Variants in MYO1A observed in about 807,000 individuals in gnomAD.
The protein encoded by MYO1A is myosin IA.
A neutral mutation model predicts 138.5 loss-of-function variants in MYO1A; 127 were observed. The observed-to-expected ratio is 0.92, with a 90% confidence interval of 0.79 to 1.06. MYO1A has a LOEUF of 1.06. Among genes scored for constraint, MYO1A ranks in the 50% least tolerant of loss-of-function variants. MYO1A has a pLI of 0.00. For synonymous variants in MYO1A, 477 were observed against 497.5 expected, an observed-to-expected ratio of 0.96 and a Z score of 0.55; for missense variants, 1,211 against 1,288.8, an observed-to-expected ratio of 0.94 and a Z score of 0.92.
chr12:57,036,369 A>T lies in MYO1A; in HGVS notation c.2287T>A (p.Tyr763Asn). ...GCCTCTGACCGGAAATATTTGCGAT[A>T]ATTCTTTCGGGCCTGGCAGAAAAGT... ...FVRGWKARKN[Y>N]RKYFRSEAAL... Residue 763 changes from tyrosine (Y) to asparagine (N), a missense_variant, in exon 22 of 28, where the codon TAT (tyrosine) becomes AAT (asparagine). Coordinates refer to ENST00000300119, the MANE Select transcript of MYO1A (RefSeq NM_005379.4). 1.2e-6 allele frequency: 2 copies of T among 1,613,888 alleles called. No individual in the cohort carries two copies. Among genetic ancestry groups the T allele is most frequent in the Non-Finnish European group, 1.7e-6 (2 of 1,179,818 alleles).
At chr12:57,038,738 CGGGT>C in intron 16 of MYO1A, 67 bp downstream of exon 16, 2 of 1,608,942 alleles carry the variant, frequency 1.2e-6, no homozygotes, top group Non-Finnish European at 1.7e-6. Context: ...TCACCTTCCC[CGGGT>C]TCCTCCCCCA....
At position 57,039,596 on chromosome 12, in the gene MYO1A, G is replaced by A. The variant is rs2030765850; in HGVS notation, c.1270-322C>T. ...GATTAGGATAGAGATTTCCTGTGTG[G>A]GAGTGGGGAAGGATCCATGCGTATG... On this transcript the variant is annotated intron_variant, in intron 14 of 27. Transcript: ENST00000300119. 3.9e-5 allele frequency among the ~76,000 whole-genome samples: 6 copies of A among 152,160 alleles called. No homozygotes were observed. The South Asian group carries it at 1.2e-3, about 32-fold the overall frequency.
intron 22 of MYO1A, among the ~76,000 whole-genome samples, chr12:57,035,892 C>T (rs1191902569): frequency 6.6e-6 from 1 of 152,210 alleles, no homozygotes; most frequent in East Asian, 1.9e-4. Flanking sequence ...ATACAATTCG[C>T]CTACTCTCAC....
chr12:57,030,065 C>T (rs1206105367), intron 24 of MYO1A, 145 bp downstream of exon 24: 4 of 1,216,926 alleles, frequency 3.3e-6, no homozygotes, highest in South Asian at 2.5e-5. Flanking sequence ...TTTTGGTCCT[C>T]ACCCCAAGAC....
At position 57,038,849 on chromosome 12, in the gene MYO1A, A is replaced by G; in HGVS notation, c.1493T>C (p.Met498Thr). 1.2e-6 allele frequency: 2 copies of G among 1,614,168 alleles called. No individual in the cohort carries two copies. Among genetic ancestry groups the G allele is most frequent in the Non-Finnish European group, 1.7e-6 (2 of 1,180,042 alleles). Residue 498 changes from methionine (M) to threonine (T), a missense_variant, in exon 16 of 28, where the codon ATG (methionine) becomes ACG (threonine). Physicochemically the swap from Met to Thr is moderately conservative, Grantham distance 81. Coordinates refer to ENST00000300119, the MANE Select transcript of MYO1A (RefSeq NM_005379.4). Reference sequence around the variant, plus strand: ...GCAGATGCGGAAGCAGCTGAGGCCCATGGTGTGGTCATACTGACGCTGGGC... The same window carrying G: ...GCAGATGCGGAAGCAGCTGAGGCCCGTGGTGTGGTCATACTGACGCTGGGC... Reference protein sequence around the residue: ...QNAQRQYDHTMGLSCFRICHY... With the variant: ...QNAQRQYDHTTGLSCFRICHY...
At position 57,038,905 on chromosome 12, in the gene MYO1A, A is replaced by C. The variant is rs373794543; in HGVS notation, c.1437T>G (p.His479Gln). The C allele has an allele frequency of 6.2e-7, 1 of 1,614,198 alleles. No individual in the cohort carries two copies. The highest frequency in any genetic ancestry group is 1.7e-5 in the Admixed American group (1 of 60,022). ...GGGTGACTTTGCTCTCGTAGTGGCC[A>C]TGCTTGGAGAAGAGCTGGTTCAGCT... Reference protein sequence around the residue: ...LAKLNQLFSKHGHYESKVTQN... With the variant: ...LAKLNQLFSKQGHYESKVTQN... Residue 479 changes from histidine (H) to glutamine (Q), a missense_variant, in exon 16 of 28, where the codon CAT (histidine) becomes CAG (glutamine). Physicochemically the swap from His to Gln is conservative, Grantham distance 24. Transcript: ENST00000300119.
intron 22 of MYO1A, among the ~76,000 whole-genome samples, chr12:57,035,227 A>G (rs1217310551): frequency 6.6e-6 from 1 of 152,178 alleles, no homozygotes; most frequent in African/African-American, 2.4e-5. Context: ...ATAACAGCAA[A>G]ATCAGATTAC....
chr12:57,036,743 G>A, intron 21 of MYO1A, 29 bp downstream of exon 21: 1 of 1,611,346 alleles, frequency 6.2e-7, no homozygotes, highest in Non-Finnish European at 8.5e-7. Flanking sequence ...GAAACAATGT[G>A]AGGAAACCTC....
At position 57,031,109 on chromosome 12, in the gene MYO1A, C is replaced by T. The variant is rs567583927; in HGVS notation, c.2415G>A (p.Trp805Ter). 1.9e-6 allele frequency: 3 copies of T among 1,614,114 alleles called. No homozygotes were observed. The highest frequency in any genetic ancestry group is 1.3e-5 in the African/African-American group (1 of 75,016). The change falls in exon 23 of 28, where the codon TGG becomes TGA. Residue 805 changes from tryptophan to a stop codon, truncating the protein, a stop_gained. Transcript: ENST00000300119. LOFTEE classifies it high-confidence loss of function. ...TGAGGCACTTGTAGGGGGCGGCTGG[C>T]CATGTCTTGTCTAAGACGTTTGTGG... is the stretch of plus-strand genomic sequence containing the variant. ...LPSTNVLDKT[W>*]PAAPYKCLST...
At chr12:57,035,301 A>G (rs1422773765) in intron 22 of MYO1A, among the ~76,000 whole-genome samples, 1 of 152,250 alleles carries the variant, frequency 6.6e-6, no homozygotes, top group Non-Finnish European at 1.5e-5. Flanking sequence ...CACCAGCACA[A>G]GAGGTGATCA....
At chr12:57,034,173 C>T (rs1263726235) in intron 22 of MYO1A, among the ~76,000 whole-genome samples, 1 of 152,188 alleles carries the variant, frequency 6.6e-6, no homozygotes, top group African/African-American at 2.4e-5. Flanking sequence ...CAGTCTTAGG[C>T]AGTGGTTAAA....
intron 8 of MYO1A, among the ~76,000 whole-genome samples, chr12:57,045,085 A>G (rs1026409716): frequency 1.3e-5 from 2 of 152,182 alleles, no homozygotes; most frequent in African/African-American, 4.8e-5. Context: ...TCTATATCCC[A>G]GCCCATATCA....
At chr12:57,047,762 T>TTC in intron 3 of MYO1A, 41 bp from the exon 4 acceptor site, 1 of 1,612,146 alleles carries the variant, frequency 6.2e-7, no homozygotes, top group African/African-American at 1.3e-5. Flanking sequence ...GTGAAACCAG[T>TTC]TCAAGACACC....
intron 22 of MYO1A, among the ~76,000 whole-genome samples, chr12:57,034,309 C>T (rs2030426142): frequency 6.6e-6 from 1 of 152,196 alleles, no homozygotes; most frequent in Non-Finnish European, 1.5e-5. Context: ...AAAGAGCCTA[C>T]CTCACAGGGT....
intron 18 of MYO1A, 96 bp from the exon 19 acceptor site, chr12:57,037,737 C>T (rs2030631089): frequency 1.3e-6 from 2 of 1,485,668 alleles, no homozygotes; most frequent in East Asian, 4.5e-5. Context: ...AAGAAGTGAT[C>T]ATTCAATTCA....
rs1214652396 is a variant in MYO1A, at chr12:57,037,959, C to G, written c.1871G>C (p.Gly624Ala). 1.4e-5 allele frequency: 23 copies of G among 1,614,062 alleles called. No homozygotes were observed. Among genetic ancestry groups the G allele is most frequent in the Non-Finnish European group, 1.9e-5 (23 of 1,180,048 alleles). Reference sequence around the variant, plus strand: ...CCCATAACCCTGGCGGTGGGCATAGCCTGCCCGTCGCACCCGTACGTTCTC... The same window carrying G: ...CCCATAACCCTGGCGGTGGGCATAGGCTGCCCGTCGCACCCGTACGTTCTC... ...LLENVRVRRA[G>A]YAHRQGYGPF... Residue 624 changes from glycine to alanine, a missense_variant, in exon 18 of 28, where the codon GGC (glycine) becomes GCC (alanine). Transcript: ENST00000300119.
In MYO1A at chr12:57,038,637, A is replaced by G. The variant is rs948779799; in HGVS notation, c.1535T>C (p.Val512Ala). 3 of 1,614,126 alleles carry G rather than the reference A, an allele frequency of 1.9e-6. No individual in the cohort carries two copies. The highest frequency in any genetic ancestry group is 1.7e-6 in the Non-Finnish European group (2 of 1,179,988). ...CFRICHYAGK[V>A]TYNVTSFIDK... ...AATAAAGCTGGTCACGTTGTATGTCACCTGTAAAGGAGCAGCTATTGGTTT... is the reference window on the plus strand; with the variant it reads ...AATAAAGCTGGTCACGTTGTATGTCGCCTGTAAAGGAGCAGCTATTGGTTT... Residue 512 changes from valine (V) to alanine (A), a missense_variant and splice_region_variant, in exon 17 of 28, where the codon GTG (valine) becomes GCG (alanine). Val to Ala is a moderately conservative substitution (Grantham distance 64). Transcript: ENST00000300119.
At chr12:57,034,342 G>A (rs780283382) in intron 22 of MYO1A, among the ~76,000 whole-genome samples, 1 of 152,218 alleles carries the variant, frequency 6.6e-6, no homozygotes, top group Non-Finnish European at 1.5e-5. Context: ...TAGAGTTAAT[G>A]CATGTAAAGA....
chr12:57,029,496 T>C lies in MYO1A; in HGVS notation c.2816A>G (p.Asn939Ser), dbSNP rs771897400. The C allele has an allele frequency of 2.5e-6, 4 of 1,614,208 alleles. No individual in the cohort carries two copies. Among genetic ancestry groups the C allele is most frequent in the Admixed American group, 1.7e-5 (1 of 60,034 alleles). The change falls in exon 26 of 28, where the codon AAT becomes AGT. Residue 939 changes from asparagine (N) to serine (S), a missense_variant. Coordinates refer to ENST00000300119, the MANE Select transcript of MYO1A (RefSeq NM_005379.4). ...SQAKIVIGLD[N>S]VAGVSVTSLK... ...GCTGGTGACTGACACCCCAGCCACA[T>C]TGTCTAGCCCAATGACAATTTTGGC...
Sources: gnomAD v4.1 joint callset for allele counts (sites outside exome capture counted in the v4.1 genomes callset) on GRCh38, gnomAD v4.1.1 for gene constraint, MANE v1.5 for transcripts, NCBI Gene and HGNC (gene_info 2026-07-23, HGNC 2026-07-21) for gene names.